Variants in TSC2 observed in about 807,000 individuals in gnomAD.
TSC2 encodes the protein tuberin.
A neutral mutation model predicts 202.2 loss-of-function variants in TSC2; 29 were observed. That is an observed-to-expected ratio of 0.14 (90% confidence interval 0.11 to 0.20). The LOEUF (loss-of-function observed/expected upper bound fraction) is 0.20, where lower values mean the gene tolerates loss of function less well. Among genes scored for constraint, TSC2 ranks in the 10% least tolerant of loss-of-function variants. TSC2 has a pLI of 1.00. For synonymous variants in TSC2, 1,349 were observed against 1,044.0 expected (o/e 1.29, Z -5.63); for missense variants, 2,429 against 2,420.0 (o/e 1.00, Z -0.08).
rs1464352573 is a variant in TSC2 at position 2,064,391 on chromosome 16, A to G, written c.1563A>G (p.Thr521=). 1.2e-6 allele frequency: 2 copies of G among 1,613,676 alleles called. No individual in the cohort carries two copies. The highest frequency in any genetic ancestry group is 1.7e-6 in the Non-Finnish European group (2 of 1,180,020). Residue 521 remains threonine (T), a synonymous_variant, in exon 15 of 42, where the codon ACA becomes ACG. Transcript: ENST00000219476. ...LLVDLAEGCH[T]HHFNSLLDII... ...TGGACCTGGCAGAGGGCTGCCACAC[A>G]CACCACTTCAACAGCCTGCTGGACA... is the stretch of plus-strand genomic sequence containing the variant.
intron 6 of TSC2, 128 bp downstream of exon 6, chr16:2,055,647 C>T: frequency 1.1e-6 from 1 of 907,038 alleles, no homozygotes; most frequent in South Asian, 1.3e-5. Flanking sequence ...AATCTCAGCA[C>T]TTTGGGAGGC....
At position 2,076,595 on chromosome 16, in the gene TSC2, G is replaced by GC. The variant is rs137854204; in HGVS notation, c.2837+11dup. ...ACGAGAGACCCAAGAGGTACGGCCTGCGGGGGTGTGCCTGGAGTCGGTGTG... is the reference window on the plus strand; with the variant it reads ...ACGAGAGACCCAAGAGGTACGGCCTGCCGGGGGTGTGCCTGGAGTCGGTGTG... On this transcript the variant is annotated intron_variant, in intron 25 of 41. Transcript: ENST00000219476. 1.4e-4 allele frequency: 220 copies of GC among 1,612,760 alleles called. No homozygotes were observed. The highest frequency in any genetic ancestry group is 8.1e-5 in the Non-Finnish European group (95 of 1,179,864).
rs200360213 is a variant in TSC2, at chr16:2,076,122, C to T, written c.2694C>T (p.Ile898=). ...LAHHVIAMWF[I]RCRLPFRKDF... ...ATCACGTCATAGCCATGTGGTTCAT[C>T]AGGTGCCGCCTGCCCTTCCGGAAGG... Residue 898 remains isoleucine (I), a synonymous_variant, in exon 24 of 42, where the codon ATC becomes ATT. Transcript: ENST00000219476. The T allele has an allele frequency of 5.6e-6, 9 of 1,613,926 alleles. No homozygotes were observed. Among genetic ancestry groups the T allele is most frequent in the Admixed American group, 5.0e-5 (3 of 60,032 alleles).
At chr16:2,076,444 A>G in intron 24 of TSC2, 47 bp from the exon 25 acceptor site, 1 of 1,609,402 alleles carries the variant, frequency 6.2e-7, no homozygotes, top group South Asian at 1.1e-5. Context: ...GAGGGCCTCC[A>G]GCCCCCATTG....
rs1454478943 is a variant in TSC2 at position 2,076,464 on chromosome 16, ACTGT to A, written c.2743-23_2743-20del. 3.1e-6 allele frequency: 5 copies of A among 1,612,408 alleles called. No homozygotes were observed. In the African/African-American group the frequency reaches 5.3e-5, roughly 17 times the overall value. On this transcript the variant is annotated intron_variant, in intron 24 of 41. Coordinates refer to ENST00000219476, the MANE Select transcript of TSC2 (RefSeq NM_000548.5). ...CCTCCAGCCCCCATTGCCACCCCTC[ACTGT>A]CTGGGTGTGCTCACTCTGCCAGGGC...
chr16:2,048,220 G>T (rs1472221418), intron 1 of TSC2, 155 bp downstream of exon 1: 1 of 1,479,354 alleles, frequency 6.8e-7, no homozygotes, highest in East Asian at 2.5e-5. Context: ...GTCATGGCGG[G>T]TGCGAACGGG....
intron 20 of TSC2, 116 bp downstream of exon 20, chr16:2,072,479 A>G: frequency 6.7e-7 from 1 of 1,486,316 alleles, no homozygotes; most frequent in Non-Finnish European, 9.1e-7. Context: ...CATTTCCCTC[A>G]AACTCAGCTG....
chr16:2,078,565 T>C (rs1055218464), intron 26 of TSC2: 2 of 266,530 alleles, frequency 7.5e-6, no homozygotes, highest in Non-Finnish European at 1.5e-5. Flanking sequence ...GCCTCTTCCC[T>C]GTCACTGGGT....
chr16:2,055,445 A>T lies in TSC2; in HGVS notation c.525A>T (p.Glu175Asp), dbSNP rs1173197942. 1 of 1,614,088 alleles carries T rather than the reference A, an allele frequency of 6.2e-7. No individual in the cohort carries two copies. Among genetic ancestry groups the T allele is most frequent in the East Asian group, 2.2e-5 (1 of 44,884 alleles). ...GGATGGATGTTGGCTTGTCCTCGGA[A>T]TTCCTTCTGGTGCTGGTGAACTTGG... ...LQWMDVGLSS[E>D]FLLVLVNLVK... Residue 175 changes from glutamate (E) to aspartate (D), a missense_variant, in exon 6 of 42, where the codon GAA (glutamate) becomes GAT (aspartate). Glu to Asp is a conservative substitution (Grantham distance 45, BLOSUM62 2). Transcript: ENST00000219476.
chr16:2,065,119 G>GAA (rs79069913), intron 15 of TSC2: 30 of 122,900 alleles, frequency 2.4e-4, no homozygotes, highest in South Asian at 3.9e-4. Context: ...GTCTCAAAAA[G>GAA]AAAAAAAAAA....
intron 21 of TSC2, 150 bp from the exon 22 acceptor site, chr16:2,074,050 A>G: frequency 2.1e-6 from 2 of 958,798 alleles, no homozygotes; most frequent in Admixed American, 2.0e-5. Context: ...CTGCTCGGGT[A>G]GCTCAGCACT....
chr16:2,056,534 G>T, intron 7 of TSC2, 110 bp from the exon 8 acceptor site: 2 of 1,486,120 alleles, frequency 1.3e-6, no homozygotes, highest in Non-Finnish European at 1.8e-6. Context: ...CCATGGCAGC[G>T]GGGAGAGGTG....
rs756957699 is a variant in TSC2 at position 2,084,312 on chromosome 16, T to G, written c.4090T>G (p.Ser1364Ala). Residue 1364 changes from serine (S) to alanine (A), a missense_variant, in exon 34 of 42, where the codon TCC (serine) becomes GCC (alanine). Ser to Ala is a moderately conservative substitution (Grantham distance 99). Transcript: ENST00000219476. ...GRGIPIERVV[S>A]SEGGRPSVDL... ...GGGCATCCCCATCGAGCGAGTCGTCTCCTCGGAGGGTGGCCGGCCCTCTGT... is the reference window on the plus strand; with the variant it reads ...GGGCATCCCCATCGAGCGAGTCGTCGCCTCGGAGGGTGGCCGGCCCTCTGT... 2.4e-5 allele frequency: 39 copies of G among 1,612,568 alleles called. No homozygotes were observed. The highest frequency in any genetic ancestry group is 3.2e-5 in the Non-Finnish European group (38 of 1,179,962).
chr16:2,073,365 C>T (rs556619426), intron 21 of TSC2, among the ~76,000 whole-genome samples: 2 of 152,358 alleles, frequency 1.3e-5, no homozygotes, highest in African/African-American at 4.8e-5. Flanking sequence ...CTCCACGCCC[C>T]ATCAGGTGCC....
chr16:2,065,740 C>T (rs887172144), intron 16 of TSC2, 105 bp downstream of exon 16: 5 of 1,042,732 alleles, frequency 4.8e-6, no homozygotes, highest in African/African-American at 1.6e-5. Flanking sequence ...GACCCACACC[C>T]TCCCTGGATT....
intron 16 of TSC2, among the ~76,000 whole-genome samples, chr16:2,069,629 A>G (rs555032032): frequency 3.0e-4 from 46 of 152,108 alleles, no homozygotes; most frequent in East Asian, 2.3e-3. Flanking sequence ...ACAGGTGCCC[A>G]CCACCACGCC....
At chr16:2,072,669 T>TA in intron 20 of TSC2, 180 bp from the exon 21 acceptor site, 4 of 1,011,814 alleles carry the variant, frequency 4.0e-6, no homozygotes, top group Non-Finnish European at 5.8e-6. Flanking sequence ...CCTGGTGTGT[T>TA]ACTTGGCAGG....
At chr16:2,074,932 C>G (rs1289773929) in intron 22 of TSC2, 1 of 184,156 alleles carries the variant, frequency 5.4e-6, no homozygotes, top group Non-Finnish European at 1.2e-5. Flanking sequence ...GTGTAGAAGC[C>G]TGGCCAGGCG....
At chr16:2,055,125 T>C (rs1164153204) in intron 5 of TSC2, 3 of 521,066 alleles carry the variant, frequency 5.8e-6, no homozygotes, top group Admixed American at 3.1e-5. Context: ...GGTTGGGCCC[T>C]GAGTGTACGG....
Sources: allele counts gnomAD v4.1 joint callset (sites outside exome capture counted in the v4.1 genomes callset), GRCh38; gene constraint gnomAD v4.1.1; transcripts MANE v1.5; gene names NCBI Gene and HGNC (gene_info 2026-07-23, HGNC 2026-07-21).